The following ZMIZ1 variants were observed in gnomAD, a reference collection of about 807,000 sequenced individuals.
The protein encoded by ZMIZ1 is zinc finger MIZ-type containing 1.
A neutral mutation model predicts 113.9 loss-of-function variants in ZMIZ1; 17 were observed. The observed-to-expected ratio is 0.15, with a 90% CI of 0.10 to 0.22. The LOEUF (loss-of-function observed/expected upper bound fraction) is 0.22, where lower values mean the gene tolerates loss of function less well. Among genes scored for constraint, ZMIZ1 ranks in the 10% least tolerant of loss-of-function variants. The pLI is 1.00. For missense variants in ZMIZ1, 1,059 were observed against 1,477.8 expected (o/e 0.72, Z 4.65); for synonymous variants, 607 against 603.1 (o/e 1.01, Z -0.09).
chr10:79,311,286 GA>G, intron 24 of ZMIZ1, 102 bp downstream of exon 24: 8 of 911,110 alleles, frequency 8.8e-6, no homozygotes, highest in Admixed American at 2.8e-5. Context: ...CCGAAGGGAG[GA>G]GGTGGGTGGG....
At chr10:79,231,998 A>G (rs897287987) in intron 7 of ZMIZ1, among the ~76,000 whole-genome samples, 12 of 152,220 alleles carry the variant, frequency 7.9e-5, no homozygotes, top group African/African-American at 2.9e-4. Context: ...CAATGGACCC[A>G]TGAATGATGG....
chr10:79,107,930 A>G (rs371614191), intron 1 of ZMIZ1, among the ~76,000 whole-genome samples: 1 of 152,016 alleles, frequency 6.6e-6, no homozygotes, highest in Non-Finnish European at 1.5e-5. Flanking sequence ...GTAATTGTCT[A>G]TTGTTCATCG....
At chr10:79,085,711 A>G (rs530470372) in intron 1 of ZMIZ1, among the ~76,000 whole-genome samples, 2 of 152,300 alleles carry the variant, frequency 1.3e-5, no homozygotes, top group South Asian at 4.1e-4. Context: ...TGCCCCTGAG[A>G]ACCTCTTTTT....
intron 4 of ZMIZ1, among the ~76,000 whole-genome samples, chr10:79,163,823 T>A (rs926815289): frequency 6.6e-6 from 1 of 152,068 alleles, no homozygotes; most frequent in African/African-American, 2.4e-5. Flanking sequence ...GTGGCCTGCC[T>A]CTCCCGATGG....
At chr10:79,075,643 C>T (rs1345025274) in intron 1 of ZMIZ1, among the ~76,000 whole-genome samples, 1 of 151,238 alleles carries the variant, frequency 6.6e-6, no homozygotes, top group Non-Finnish European at 1.5e-5. Context: ...ACACACTGGC[C>T]CTGCTGGCCA....
intron 3 of ZMIZ1, among the ~76,000 whole-genome samples, chr10:79,145,417 G>A (rs139330865): frequency 2.0e-5 from 3 of 152,368 alleles, no homozygotes; most frequent in Non-Finnish European, 2.9e-5. Context: ...TGTTGGGGTG[G>A]GGGATTGGTG....
chr10:79,071,694 C>T (rs896690101), intron 1 of ZMIZ1, among the ~76,000 whole-genome samples: 9 of 152,164 alleles, frequency 5.9e-5, no homozygotes, highest in African/African-American at 2.2e-4. Flanking sequence ...GCTGACCTTT[C>T]CCTCTTCAAG....
chr10:79,197,368 T>A (rs752644296), intron 4 of ZMIZ1, among the ~76,000 whole-genome samples: 6 of 152,172 alleles, frequency 3.9e-5, no homozygotes, highest in Non-Finnish European at 8.8e-5. Flanking sequence ...CACCAGGAAC[T>A]GAGATGGCCT....
intron 7 of ZMIZ1, among the ~76,000 whole-genome samples, chr10:79,261,328 T>C (rs1359942501): frequency 6.6e-6 from 1 of 152,084 alleles, no homozygotes; most frequent in Non-Finnish European, 1.5e-5. Context: ...CTACATTCCG[T>C]GTTAATTTTT....
At chr10:79,152,845 C>T (rs1026092524) in intron 3 of ZMIZ1, among the ~76,000 whole-genome samples, 1 of 152,258 alleles carries the variant, frequency 6.6e-6, no homozygotes, top group Non-Finnish European at 1.5e-5. Context: ...AGTTATGCAC[C>T]ACTGCTGCCT....
rs1437969428 is a variant in ZMIZ1, at chr10:79,265,471, T to C, written c.281-11710T>C. On this transcript the variant is annotated intron_variant, in intron 7 of 24. Coordinates refer to ENST00000334512, the MANE Select transcript of ZMIZ1 (RefSeq NM_020338.4). ...GACAACTCCTTTTTTTTCTTTTCTT[T>C]TTTTTTTTTTTTTTGGCCTTTCTTA... 4.7e-4 allele frequency among the ~76,000 whole-genome samples: 69 copies of C among 147,490 alleles called. 3 individuals are homozygous for C. Among genetic ancestry groups the C allele is most frequent in the African/African-American group, 1.6e-3 (66 of 40,780 alleles).
chr10:79,165,842 A>G (rs1032072222), intron 4 of ZMIZ1, among the ~76,000 whole-genome samples: 1 of 149,230 alleles, frequency 6.7e-6, no homozygotes, highest in Non-Finnish European at 1.5e-5. Flanking sequence ...AGCTCCCCCT[A>G]GGCGGGCCTG....
rs76060088 is a variant in ZMIZ1 at position 79,202,618 on chromosome 10, A to T, written c.60+926A>T. ...CATGGTCCCCACCCTGCTGAAGCTC[A>T]TACCAAGCCCAAGAGGCAAGCTGCC... On this transcript the variant is annotated intron_variant, in intron 5 of 24. Transcript: ENST00000334512. 1.5e-3 allele frequency among the ~76,000 whole-genome samples: 221 copies of T among 152,336 alleles called. 2 individuals are homozygous for T. The East Asian group carries it at 0.039, about 27-fold the overall frequency.
At chr10:79,289,016 G>T (rs1252254977) in intron 8 of ZMIZ1, among the ~76,000 whole-genome samples, 5 of 152,320 alleles carry the variant, frequency 3.3e-5, no homozygotes, top group South Asian at 2.1e-4. Flanking sequence ...CCAAAGCGGG[G>T]TGAGGGAATG....
chr10:79,309,474 A>ATG (rs775544752), intron 23 of ZMIZ1, among the ~76,000 whole-genome samples: 114 of 152,180 alleles, frequency 7.5e-4, no homozygotes, highest in Admixed American at 1.4e-3. Flanking sequence ...AGCCTCTTGT[A>ATG]TGTGTCTCAT....
At position 79,300,891 on chromosome 10, in the gene ZMIZ1, G is replaced by A. The variant is rs1054838204; in HGVS notation, c.1968G>A (p.Val656=). 2 of 1,612,938 alleles carry A rather than the reference G, an allele frequency of 1.2e-6. No homozygotes were observed. Among genetic ancestry groups the A allele is most frequent in the Admixed American group, 3.3e-5 (2 of 60,014 alleles). Residue 656 remains valine, a synonymous_variant, in exon 17 of 25, where the codon GTG becomes GTA. Transcript: ENST00000334512. ...TSHKPLHLKH[V]CQPGRNTIQI... The stretch of plus-strand genomic sequence containing the variant: ...ACAAGCCCCTGCACCTGAAGCACGT[G>A]TGCCAGCCGGGCCGCAACACCATCC...
intron 23 of ZMIZ1, among the ~76,000 whole-genome samples, chr10:79,309,425 C>T (rs1180838262): frequency 6.6e-6 from 1 of 152,212 alleles, no homozygotes; most frequent in East Asian, 1.9e-4. Context: ...GAGCCCTAAG[C>T]TGGCCTCTCA....
intron 1 of ZMIZ1, among the ~76,000 whole-genome samples, chr10:79,089,396 C>T (rs1269867): frequency 0.51 from 78,323 of 152,122 alleles, 20,304 homozygotes; most frequent in African/African-American, 0.56. Context: ...TTTCCTTCTA[C>T]GAGATGAACT....
chr10:79,241,161 A>G (rs1733020113), intron 7 of ZMIZ1, among the ~76,000 whole-genome samples: 2 of 152,216 alleles, frequency 1.3e-5, no homozygotes, highest in Non-Finnish European at 2.9e-5. Context: ...GATTAACAGT[A>G]GAAACCAGAT....
Sources: gnomAD v4.1 joint callset for allele counts (sites outside exome capture counted in the v4.1 genomes callset) on GRCh38, gnomAD v4.1.1 for gene constraint, MANE v1.5 for transcripts, NCBI Gene and HGNC (gene_info 2026-07-23, HGNC 2026-07-21) for gene names.